PECAM1: variants seen among roughly 807,000 people sequenced by gnomAD.
The protein encoded by PECAM1 is platelet and endothelial cell adhesion molecule 1.
A neutral mutation model predicts 13.8 loss-of-function variants in PECAM1; 8 were observed. That is an observed-to-expected ratio of 0.58 (90% CI 0.34 to 1.05). The LOEUF (loss-of-function observed/expected upper bound fraction) is 1.05, where lower values mean the gene tolerates loss of function less well. PECAM1 is among the 50% of genes least tolerant of loss of function. The pLI is 0.03. For missense variants in PECAM1, 304 were observed against 141.2 expected (o/e 2.15, Z -5.84); for synonymous variants, 136 against 52.6 (o/e 2.58, Z -6.86).
intron 12 of PECAM1, among the ~76,000 whole-genome samples, chr17:64,349,860 G>A (rs2035674698): frequency 6.6e-6 from 1 of 152,100 alleles, no homozygotes; most frequent in African/African-American, 2.4e-5. Flanking sequence ...ACTCCAGCCT[G>A]GCTGACAGAG....
rs963786773 is a variant in PECAM1, at chr17:64,382,762, C to T, written c.92-4645G>A. On this transcript the variant is annotated intron_variant, in intron 2 of 15. Transcript: ENST00000563924. ...AATAAAAACCATATTTAAGGCTGGG[C>T]GTGGTGGCTCATGCCTGTAATCCCA... Among the ~76,000 whole-genome samples, 618 of 150,858 alleles carry T rather than the reference C, an allele frequency of 4.1e-3. 5 individuals are homozygous for T. The highest frequency in any genetic ancestry group is 0.014 in the African/African-American group (585 of 40,954).
chr17:64,385,245 G>A (rs1316649216), intron 2 of PECAM1, among the ~76,000 whole-genome samples: 1 of 152,174 alleles, frequency 6.6e-6, no homozygotes, highest in Non-Finnish European at 1.5e-5. Context: ...AAGTCACCAC[G>A]GAACAGCCAG....
intron 14 of PECAM1, among the ~76,000 whole-genome samples, chr17:64,334,631 C>G (rs1340238342): frequency 2.0e-5 from 3 of 152,116 alleles, no homozygotes; most frequent in African/African-American, 7.2e-5. Context: ...GCCTCAGCCT[C>G]CCATGTAGCT....
At position 64,370,082 on chromosome 17, in the gene PECAM1, C is replaced by G. The variant is rs913780770; in HGVS notation, c.692-57G>C. ...CAGGTGCAAACCTGGGCAAGAGGAG[C>G]CTCTTCTGCTCTTTTTGCTGCTTCC... On this transcript the variant is annotated intron_variant, in intron 4 of 15. Transcript: ENST00000563924. 415 of 398,482 alleles carry G rather than the reference C, an allele frequency of 1.0e-3. 1 individual carries two copies. Among genetic ancestry groups the G allele is most frequent in the African/African-American group, 7.5e-3 (364 of 48,720 alleles). The allele number at this position is 398,482 out of a possible 1,614,324, so 24.7% of individuals were successfully genotyped here. A position where few individuals can be genotyped will look rare whatever the true frequency, so the allele number is the denominator to read the frequency against.
At position 64,323,771 on chromosome 17, in the gene PECAM1, C is replaced by T. The variant is rs59249661; in HGVS notation, c.*45G>A. ...AAATACAGGGATTATCTGTTCTTCT[C>T]GGAACATGGATGTCCTTCCAGGGAT... On this transcript the variant is annotated 3_prime_UTR_variant, in exon 16 of 16. Coordinates refer to ENST00000563924, the MANE Select transcript of PECAM1 (RefSeq NM_000442.5). 4.4e-5 allele frequency: 49 copies of T among 1,120,356 alleles called. No individual in the cohort carries two copies. The African/African-American group carries it at 4.9e-4, about 11-fold the overall frequency. 69.4% of individuals were successfully genotyped at this position (1,120,356 alleles called of 1,614,324 possible).
rs2034808737 is a variant in PECAM1, at chr17:64,321,396, A to G, written c.*2420T>C. On this transcript the variant is annotated 3_prime_UTR_variant, in exon 16 of 16. Transcript: ENST00000563924. Reference sequence around the variant, plus strand: ...CCTTTTAGCCATTAAATCCACTAAGAAAGATCCCTGCGCATGAAGTTTCCT... The same window carrying G: ...CCTTTTAGCCATTAAATCCACTAAGGAAGATCCCTGCGCATGAAGTTTCCT... The G allele has an allele frequency of 5.1e-6, 5 of 982,206 alleles. No individual in the cohort carries two copies. The highest frequency in any genetic ancestry group is 6.0e-6 in the Non-Finnish European group (5 of 826,686). The allele number at this position is 982,206 out of a possible 1,614,324, so 60.8% of individuals were successfully genotyped here. A position where few individuals can be genotyped will look rare whatever the true frequency, so the allele number is the denominator to read the frequency against.
intron 13 of PECAM1, among the ~76,000 whole-genome samples, chr17:64,347,740 A>ATTT (rs1304796913): frequency 6.9e-6 from 1 of 144,916 alleles, no homozygotes; most frequent in African/African-American, 2.5e-5. Context: ...ATATATATAT[A>ATTT]TATTTTTTGA....
intron 2 of PECAM1, among the ~76,000 whole-genome samples, chr17:64,384,832 C>A (rs2036558885): frequency 6.6e-6 from 1 of 152,226 alleles, no homozygotes; most frequent in East Asian, 1.9e-4. Flanking sequence ...TGTTATGCAG[C>A]AATAGGTAAC....
At chr17:64,376,091 G>A (rs2036351515) in intron 3 of PECAM1, among the ~76,000 whole-genome samples, 1 of 151,746 alleles carries the variant, frequency 6.6e-6, no homozygotes, top group Non-Finnish European at 1.5e-5. Flanking sequence ...ATCACCTGAG[G>A]TCAGGAGTTT....
At chr17:64,354,871 A>ATCCCTGGCTGGT (rs1310246649) in intron 9 of PECAM1, 62 bp downstream of exon 9, 1 of 472,698 alleles carries the variant, frequency 2.1e-6, no homozygotes, top group East Asian at 3.1e-5. Flanking sequence ...AGCACCACGC[A>ATCCCTGGCTGGT]TCCCTGGCTG....
intron 14 of PECAM1, among the ~76,000 whole-genome samples, chr17:64,340,645 A>G (rs1045711016): frequency 3.3e-5 from 5 of 152,036 alleles, no homozygotes; most frequent in African/African-American, 4.8e-5. Context: ...GAGCTCCCCC[A>G]GTTCCAGGTC....
At chr17:64,387,914 C>T (rs992615636) in intron 2 of PECAM1, among the ~76,000 whole-genome samples, 6 of 152,158 alleles carry the variant, frequency 3.9e-5, no homozygotes, top group Admixed American at 2.0e-4. Flanking sequence ...CTGCAGGCCA[C>T]GCACTGCAAA....
chr17:64,373,382 T>C (rs2036285265), intron 4 of PECAM1, among the ~76,000 whole-genome samples: 2 of 152,108 alleles, frequency 1.3e-5, no homozygotes, highest in African/African-American at 4.8e-5. Flanking sequence ...GGCCCATCCC[T>C]ACAGTCAAGT....
intron 2 of PECAM1, among the ~76,000 whole-genome samples, chr17:64,384,546 G>C (rs949170939): frequency 1.3e-5 from 2 of 152,164 alleles, no homozygotes; most frequent in African/African-American, 2.4e-5. Flanking sequence ...CTCATTCTGG[G>C]GAATGCCAGC....
chr17:64,321,424 T>A lies in PECAM1; in HGVS notation c.*2392A>T. 1 of 986,350 alleles carries A rather than the reference T, an allele frequency of 1.0e-6. No homozygotes were observed. 61.1% of individuals were successfully genotyped at this position (986,350 alleles called of 1,614,324 possible). ...GATCCCTGCGCATGAAGTTTCCTCC[T>A]CGGAAATATAGGCAGAAGGGAAAGT... On this transcript the variant is annotated 3_prime_UTR_variant, in exon 16 of 16. Transcript: ENST00000563924.
chr17:64,328,594 T>C (rs1174352398), intron 15 of PECAM1, among the ~76,000 whole-genome samples: 2 of 152,210 alleles, frequency 1.3e-5, no homozygotes, highest in Non-Finnish European at 1.5e-5. Flanking sequence ...CTCTTTTCCT[T>C]AAATTCATAG....
intron 14 of PECAM1, among the ~76,000 whole-genome samples, chr17:64,334,413 C>T (rs2035212918): frequency 6.6e-6 from 1 of 152,110 alleles, no homozygotes; most frequent in Non-Finnish European, 1.5e-5. Flanking sequence ...ATGCTGCATG[C>T]TAGAAGATGA....
rs1171031072 is a variant in PECAM1, at chr17:64,321,854, C to T, written c.*1962G>A. ...TCTTTGCAGCTCCCGTGGCAATTGC[C>T]CTTCTCTGGTGGTGGCAAGGGACTA... On this transcript the variant is annotated 3_prime_UTR_variant, in exon 16 of 16. Coordinates refer to ENST00000563924, the MANE Select transcript of PECAM1 (RefSeq NM_000442.5). 2.2e-6 allele frequency: 3 copies of T among 1,349,634 alleles called. No individual in the cohort carries two copies. The Admixed American group carries it at 5.7e-5, about 26-fold the overall frequency. 83.6% of individuals were successfully genotyped at this position (1,349,634 alleles called of 1,614,324 possible).
intron 15 of PECAM1, among the ~76,000 whole-genome samples, chr17:64,329,229 A>C (rs986036083): frequency 8.6e-5 from 13 of 152,046 alleles, no homozygotes; most frequent in African/African-American, 3.1e-4. Flanking sequence ...ACTTTGCTTT[A>C]TGATAAGTGA....
Sources: allele counts gnomAD v4.1 joint callset (sites outside exome capture counted in the v4.1 genomes callset), GRCh38; gene constraint gnomAD v4.1.1; transcripts MANE v1.5; gene names NCBI Gene and HGNC (gene_info 2026-07-23, HGNC 2026-07-21).